The following WNK1 variants were observed in gnomAD, a reference collection of about 807,000 sequenced individuals.
The protein encoded by WNK1 is serine/threonine-protein kinase WNK1.
A neutral mutation model predicts 222.8 loss-of-function variants in WNK1; 38 were observed. The observed-to-expected ratio is 0.17, with a 90% confidence interval of 0.13 to 0.22. The LOEUF is 0.22. Among genes scored for constraint, WNK1 ranks in the 10% least tolerant of loss-of-function variants. The pLI, the probability that WNK1 is intolerant of heterozygous loss-of-function variation, is 1.00. For missense variants in WNK1, 2,348 were observed against 2,918.4 expected, an observed-to-expected ratio of 0.80 and a Z score of 4.50; for synonymous variants, 1,090 against 1,092.9, an observed-to-expected ratio of 1.00 and a Z score of 0.05.
At chr12:845,028 T>C (rs1476393448) in intron 4 of WNK1, among the ~76,000 whole-genome samples, 1 of 148,952 alleles carries the variant, frequency 6.7e-6, no homozygotes, top group Non-Finnish European at 1.5e-5. Context: ...CCCAAGTAGC[T>C]GGGACTACAG....
At position 880,016 on chromosome 12, in the gene WNK1, A is replaced by T. The variant is rs1453925462; in HGVS notation, c.2817A>T (p.Gly939=). The change falls in exon 11 of 28, where the codon GGA becomes GGT. Residue 939 remains glycine (G), a synonymous_variant. Coordinates refer to ENST00000315939, the MANE Select transcript of WNK1 (RefSeq NM_018979.4). ...CTGCTGAGGTTCCACTTTCCTCTGG[A>T]GATGTTCTGTACCAGGTATTGTGTT... The part of the protein sequence containing the change: ...GQAAEVPLSS[G]DVLYQGFPPR... 1.2e-6 allele frequency: 2 copies of T among 1,614,144 alleles called. No individual in the cohort carries two copies. The highest frequency in any genetic ancestry group is 3.3e-5 in the Admixed American group (2 of 60,022).
chr12:897,654 T>G lies in WNK1; in HGVS notation c.6421T>G (p.Leu2141Val), dbSNP rs776111426. 3.1e-6 allele frequency: 5 copies of G among 1,614,244 alleles called. No homozygotes were observed. The highest frequency in any genetic ancestry group is 2.5e-6 in the Non-Finnish European group (3 of 1,180,038). Reference protein sequence around the residue: ...KGSKSSRSSSLGNKSPQLSGN... With the variant: ...KGSKSSRSSSVGNKSPQLSGN... ...CAGCAAATCTAGTCGAAGCAGTTCCTTGGGGAATAAAAGCCCCCAGCTTTC... is the reference window on the plus strand; with the variant it reads ...CAGCAAATCTAGTCGAAGCAGTTCCGTGGGGAATAAAAGCCCCCAGCTTTC... Residue 2141 changes from leucine (L) to valine (V), a missense_variant, in exon 25 of 28, where the codon TTG (leucine) becomes GTG (valine). Around this residue, in one of 13 missense-constraint regions of WNK1, gnomAD observed 1,144 missense variants for 1,273.6 expected, o/e 0.90. Transcript: ENST00000315939.
chr12:799,384 G>C (rs966427832), intron 1 of WNK1, among the ~76,000 whole-genome samples: 9 of 151,862 alleles, frequency 5.9e-5, no homozygotes, highest in African/African-American at 1.5e-4. Flanking sequence ...GGCTGCCTTG[G>C]CCTCCCAAAG....
intron 1 of WNK1, among the ~76,000 whole-genome samples, chr12:792,308 C>CTTTTTTTTT (rs35838951): frequency 2.0e-4 from 18 of 89,076 alleles, no homozygotes; most frequent in East Asian, 4.1e-4. Flanking sequence ...TACTGTTATT[C>CTTTTTTTTT]TTTTTTTTTT....
intron 4 of WNK1, chr12:851,662 C>T (rs555136998): frequency 9.2e-6 from 12 of 1,303,130 alleles, no homozygotes; most frequent in Admixed American, 9.0e-5. Context: ...CTTCATTTTC[C>T]TCCAATAAGA....
chr12:781,325 T>C (rs1943686896), intron 1 of WNK1: 1 of 152,756 alleles, frequency 6.5e-6, no homozygotes, highest in Admixed American at 6.5e-5. Flanking sequence ...ACATTTTACT[T>C]AGAGCATAAA....
chr12:796,078 T>G (rs945418775), intron 1 of WNK1, among the ~76,000 whole-genome samples: 2 of 152,188 alleles, frequency 1.3e-5, no homozygotes, highest in African/African-American at 2.4e-5. Context: ...TTCACCATGT[T>G]GTCCAGGCTG....
chr12:849,146 AG>A (rs1321138413), intron 4 of WNK1, among the ~76,000 whole-genome samples: 1 of 152,238 alleles, frequency 6.6e-6, no homozygotes, highest in African/African-American at 2.4e-5. Flanking sequence ...ACTACTTAGT[AG>A]TAACAAATTG....
At chr12:835,348 C>CA (rs1591929879) in intron 4 of WNK1, among the ~76,000 whole-genome samples, 4 of 151,630 alleles carry the variant, frequency 2.6e-5, no homozygotes, top group South Asian at 4.2e-4. Context: ...AAAAAAACAA[C>CA]AAAAAAACCC....
chr12:897,213 T>C (rs989907600), intron 24 of WNK1, among the ~76,000 whole-genome samples: 7 of 152,184 alleles, frequency 4.6e-5, no homozygotes, highest in Admixed American at 2.0e-4. Flanking sequence ...AGCTATTGTG[T>C]GCGTGGCCTC....
At chr12:889,950 C>CT (rs1954052047) in intron 21 of WNK1, among the ~76,000 whole-genome samples, 1 of 125,594 alleles carries the variant, frequency 8.0e-6, no homozygotes. Flanking sequence ...TTAAAATGTA[C>CT]CTTTTTTTTT....
At chr12:790,287 A>G (rs1238273447) in intron 1 of WNK1, among the ~76,000 whole-genome samples, 2 of 152,020 alleles carry the variant, frequency 1.3e-5, no homozygotes, top group East Asian at 1.9e-4. Context: ...TTTTTTACTT[A>G]GGGATGGGGT....
chr12:893,337 A>G (rs528870967), intron 22 of WNK1, among the ~76,000 whole-genome samples: 5 of 152,318 alleles, frequency 3.3e-5, no homozygotes, highest in Admixed American at 6.5e-5. Flanking sequence ...TATATATGGT[A>G]TATACATAGG....
At chr12:775,771 G>A (rs906071245) in intron 1 of WNK1, among the ~76,000 whole-genome samples, 3 of 152,106 alleles carry the variant, frequency 2.0e-5, no homozygotes, top group Non-Finnish European at 4.4e-5. Flanking sequence ...ACCAGACACT[G>A]TGTTTTATAT....
chr12:830,186 G>C (rs760783265), intron 4 of WNK1, 26 bp downstream of exon 4: 1 of 1,613,298 alleles, frequency 6.2e-7, no homozygotes, highest in Non-Finnish European at 8.5e-7. Context: ...ACTGATTGTT[G>C]AACTTGGGGC....
chr12:845,199 C>T (rs2154049527), intron 4 of WNK1, among the ~76,000 whole-genome samples: 2 of 152,230 alleles, frequency 1.3e-5, no homozygotes, highest in South Asian at 4.1e-4. Context: ...CCGGCCTGTA[C>T]CTTCTCTTAA....
chr12:828,270 C>T (rs974228008), intron 3 of WNK1, among the ~76,000 whole-genome samples: 3 of 152,024 alleles, frequency 2.0e-5, no homozygotes, highest in Non-Finnish European at 2.9e-5. Flanking sequence ...TGCGCCACTG[C>T]ACTCTAGCCT....
rs1246337431 is a variant in WNK1 at position 883,539 on chromosome 12, A to G, written c.3634A>G (p.Lys1212Glu). The G allele has an allele frequency of 6.2e-7, 1 of 1,614,192 alleles. No homozygotes were observed. Among genetic ancestry groups the G allele is most frequent in the Admixed American group, 1.7e-5 (1 of 60,026 alleles). The change falls in exon 16 of 28, where the codon AAG (lysine) becomes GAG (glutamate). Residue 1212 changes from lysine (K) to glutamate (E), a missense_variant. Lys to Glu is a moderately conservative substitution (Grantham distance 56). Around this residue, in one of 13 missense-constraint regions of WNK1, gnomAD observed 1,144 missense variants for 1,273.6 expected, o/e 0.90. Coordinates refer to ENST00000315939, the MANE Select transcript of WNK1 (RefSeq NM_018979.4). The part of the protein sequence containing the change: ...GDQGLESLQG[K>E]DDYGFSGSQK... ...TCAGGGATTGGAGAGTCTACAAGGAAAGGATGACTATGGCTTTTCAGGTTC... is the reference window on the plus strand; with the variant it reads ...TCAGGGATTGGAGAGTCTACAAGGAGAGGATGACTATGGCTTTTCAGGTTC...
At chr12:882,837 T>G (rs1483695907) in intron 14 of WNK1, 106 bp from the exon 15 acceptor site, 9 of 766,334 alleles carry the variant, frequency 1.2e-5, no homozygotes, top group Non-Finnish European at 1.6e-5. Flanking sequence ...GATAACACTA[T>G]GCTTCCTTAG....
Sources: gnomAD v4.1 joint callset for allele counts (sites outside exome capture counted in the v4.1 genomes callset) on GRCh38, gnomAD v4.1.1 for gene constraint, gnomAD v4.1.1 regional missense constraint, MANE v1.5 for transcripts, NCBI Gene and HGNC (gene_info 2026-07-23, HGNC 2026-07-21) for gene names.